The following DMD variants were observed in gnomAD, a reference collection of about 807,000 sequenced individuals.
The protein encoded by DMD is dystrophin.
A neutral mutation model predicts 330.1 loss-of-function variants in DMD; 63 were observed. The observed-to-expected ratio is 0.19, with a 90% CI of 0.16 to 0.24. DMD has a LOEUF of 0.24. Among genes scored for constraint, DMD ranks in the 10% least tolerant of loss-of-function variants. DMD has a pLI of 1.00. For missense variants in DMD, 3,344 were observed against 2,684.1 expected, an observed-to-expected ratio of 1.25 and a Z score of -5.43; for synonymous variants, 1,223 against 959.8, an observed-to-expected ratio of 1.27 and a Z score of -5.07.
At chrX:32,212,911 G>A (rs1159611264) in intron 44 of DMD, among the ~76,000 whole-genome samples, 1 of 110,896 alleles carries the variant, frequency 9.0e-6, no homozygotes, top group Non-Finnish European at 1.9e-5. Context: ...AAAAAAAATA[G>A]AGTTGCATGG....
intron 60 of DMD, among the ~76,000 whole-genome samples, chrX:31,419,201 C>T (rs56749035): frequency 0.17 from 18,171 of 103,858 alleles, 1,802 homozygotes; most frequent in East Asian, 0.43. Context: ...GCCTTGGCCT[C>T]CCAAAGTGCT....
chrX:31,196,681 C>T (rs7057083), intron 67 of DMD, among the ~76,000 whole-genome samples: 4,744 of 107,372 alleles, frequency 0.044, 273 homozygotes, highest in African/African-American at 0.15. Flanking sequence ...ATTAGCTGGG[C>T]GTGGTGGCAC....
intron 5 of DMD, among the ~76,000 whole-genome samples, chrX:32,819,954 C>T (rs895005818): frequency 9.1e-6 from 1 of 110,341 alleles, no homozygotes. Context: ...TAGAACAGGG[C>T]AGTGTGATAT....
At chrX:33,330,883 C>G (rs1029146936) in intron 1 of DMD, among the ~76,000 whole-genome samples, 1 of 111,897 alleles carries the variant, frequency 8.9e-6, no homozygotes, top group Non-Finnish European at 1.9e-5. Context: ...ATCACTCACA[C>G]TAGGAACTCC....
At chrX:33,218,610 T>C (rs1195003780) in intron 1 of DMD, among the ~76,000 whole-genome samples, 2 of 111,750 alleles carry the variant, frequency 1.8e-5, no homozygotes, top group Non-Finnish European at 3.8e-5. Context: ...TTTGGGTTTA[T>C]CCTGTATACT....
Position 32,901,335 on chromosome X carries a change from A to G in DMD, c.94-51515T>C, listed in dbSNP as rs866006079. Among the ~76,000 whole-genome samples the G allele has an allele frequency of 3.1e-4, 35 of 111,730 alleles. 1 individual carries two copies. In the Middle Eastern group the frequency reaches 0.019, roughly 60 times the overall value. ...AGATGAACAAGTGTACAGTCTGAAAAGGTTAATTTTCTTCTTTAAAAATTT... is the reference window on the plus strand; with the variant it reads ...AGATGAACAAGTGTACAGTCTGAAAGGGTTAATTTTCTTCTTTAAAAATTT... On this transcript the variant is annotated intron_variant, in intron 2 of 78. Transcript: ENST00000357033.
At chrX:33,133,142 G>C (rs2095508647) in intron 1 of DMD, among the ~76,000 whole-genome samples, 2 of 111,035 alleles carry the variant, frequency 1.8e-5, no homozygotes. Flanking sequence ...AAAGCAAGTA[G>C]TAGGGCCACC....
intron 44 of DMD, among the ~76,000 whole-genome samples, chrX:32,179,528 A>C (rs750851735): frequency 8.9e-5 from 10 of 112,504 alleles, no homozygotes; most frequent in Non-Finnish European, 1.9e-4. Flanking sequence ...GACCATAAGA[A>C]ATAAACACTG....
At chrX:32,842,838 C>T (rs896980590) in intron 4 of DMD, among the ~76,000 whole-genome samples, 12 of 110,362 alleles carry the variant, frequency 1.1e-4, no homozygotes, top group African/African-American at 4.0e-4. Flanking sequence ...TATGGAATCT[C>T]GCTCTGCCTC....
intron 44 of DMD, among the ~76,000 whole-genome samples, chrX:32,125,438 C>A (rs184593879): frequency 9.0e-6 from 1 of 111,689 alleles, no homozygotes; most frequent in Admixed American, 9.5e-5. Context: ...GTTTGAAGGA[C>A]AAGGTCGAAC....
intron 1 of DMD, among the ~76,000 whole-genome samples, chrX:33,237,163 C>T (rs1162713232): frequency 2.0e-5 from 2 of 101,473 alleles, no homozygotes; most frequent in East Asian, 6.4e-4. Flanking sequence ...CCATTGGTTT[C>T]CTCCCTCCCT....
intron 63 of DMD, among the ~76,000 whole-genome samples, chrX:31,259,862 A>G (rs1010806167): frequency 9.0e-6 from 1 of 111,166 alleles, no homozygotes; most frequent in African/African-American, 3.3e-5. Flanking sequence ...GTATACCTAC[A>G]CAGAATTTAT....
At chrX:31,128,175 G>C (rs1162933495) in intron 77 of DMD, among the ~76,000 whole-genome samples, 2 of 110,616 alleles carry the variant, frequency 1.8e-5, no homozygotes, top group Admixed American at 9.6e-5. Context: ...TTTTAAAAAA[G>C]TATCTTTATG....
intron 7 of DMD, among the ~76,000 whole-genome samples, chrX:32,786,086 A>AGTGTGTGTGTGTGTGTGTGTGTGTGT (rs368269067): frequency 9.3e-5 from 9 of 96,546 alleles, no homozygotes; most frequent in African/African-American, 3.5e-4. Flanking sequence ...GAGGAATAAG[A>AGTGTGTGTGTGTGTGTGTGTGTGTGT]GTGTGTGTGT....
At chrX:32,132,280 A>G (rs774923769) in intron 44 of DMD, among the ~76,000 whole-genome samples, 2 of 112,155 alleles carry the variant, frequency 1.8e-5, no homozygotes, top group Non-Finnish European at 3.8e-5. Context: ...GCAACTGTCC[A>G]TCATGGTCAA....
At chrX:32,085,629 C>CGT (rs1226156180) in intron 44 of DMD, among the ~76,000 whole-genome samples, 4 of 55,031 alleles carry the variant, frequency 7.3e-5, no homozygotes, top group African/African-American at 2.7e-4. Context: ...TATATATATA[C>CGT]ACATATATAC....
At chrX:33,023,221 A>T (rs2093946050) in intron 1 of DMD, among the ~76,000 whole-genome samples, 2 of 111,674 alleles carry the variant, frequency 1.8e-5, no homozygotes, top group Admixed American at 1.9e-4. Context: ...TTTTTCACTT[A>T]TTTTATCATA....
chrX:32,624,198 T>C (rs768226431), intron 11 of DMD, among the ~76,000 whole-genome samples: 1 of 112,101 alleles, frequency 8.9e-6, no homozygotes, highest in South Asian at 3.7e-4. Flanking sequence ...CTTCAAGTCG[T>C]CATTTAGACG....
intron 7 of DMD, among the ~76,000 whole-genome samples, chrX:32,740,616 A>G (rs1017499501): frequency 2.7e-5 from 3 of 111,895 alleles, no homozygotes; most frequent in African/African-American, 9.7e-5. Flanking sequence ...ATAGAAATGA[A>G]TATTATAAAA....
Sources: allele counts gnomAD v4.1 joint callset (sites outside exome capture counted in the v4.1 genomes callset), GRCh38; gene constraint gnomAD v4.1.1; transcripts MANE v1.5; gene names NCBI Gene and HGNC (gene_info 2026-07-23, HGNC 2026-07-21).